CSTL1: variants seen among roughly 807,000 people sequenced by gnomAD.
The protein encoded by CSTL1 is cystatin-like 1.
A neutral mutation model predicts 14.4 loss-of-function variants in CSTL1; 14 were observed. That is an observed-to-expected ratio of 0.97 (90% CI 0.64 to 1.52). CSTL1 has a LOEUF of 1.52. Among genes scored for constraint, CSTL1 ranks in the 40% most tolerant of loss-of-function variants. The pLI is 0.00. For synonymous variants in CSTL1, 72 were observed against 67.5 expected, an observed-to-expected ratio of 1.07 and a Z score of -0.33; for missense variants, 170 against 168.7, an observed-to-expected ratio of 1.01 and a Z score of -0.04.
rs1301209781 is a variant in CSTL1, at chr20:23,440,412, A to G, written c.145A>G (p.Ile49Val). 1 of 1,614,182 alleles carries G rather than the reference A, an allele frequency of 6.2e-7. No individual in the cohort carries two copies. ...KNMNSTLNFFIQSYNNASNDT... is the reference protein window; with the variant it reads ...KNMNSTLNFFVQSYNNASNDT... The stretch of plus-strand genomic sequence containing the variant: ...CATGAATTCAACACTCAACTTCTTC[A>G]TTCAATCCTACAACAATGCCAGCAA... The change falls in exon 2 of 4, where the codon ATT (isoleucine) becomes GTT (valine). Residue 49 changes from isoleucine (I) to valine (V), a missense_variant. Transcript: ENST00000347397.
chr20:23,454,361 A>G, the CSTL1 span, among the ~76,000 whole-genome samples: 3 of 151,144 alleles, frequency 2.0e-5, no homozygotes, highest in African/African-American at 4.9e-5. Context: ...ACATGTACAC[A>G]CCCACACTCA....
the CSTL1 span, among the ~76,000 whole-genome samples, chr20:23,458,244 C>T: frequency 6.6e-6 from 1 of 152,174 alleles, no homozygotes; most frequent in Admixed American, 6.5e-5. Context: ...ACTCAGACTG[C>T]AGTTTGTATA....
chr20:23,452,610 A>G, the CSTL1 span: 1 of 1,613,440 alleles, frequency 6.2e-7, no homozygotes. Flanking sequence ...AGGACTCGGA[A>G]GATCCTGAAG....
chr20:23,449,824 C>CG (rs751248507), downstream of CSTL1, among the ~76,000 whole-genome samples: 55 of 152,212 alleles, frequency 3.6e-4, no homozygotes, highest in Non-Finnish European at 6.8e-4. Context: ...GCCTCCTTCA[C>CG]GGGGGGCACA....
At chr20:23,460,673 C>T in the CSTL1 span, among the ~76,000 whole-genome samples, 26 of 151,964 alleles carry the variant, frequency 1.7e-4, no homozygotes, top group Non-Finnish European at 3.7e-4. Context: ...TTGAGAAGCC[C>T]GCAGTTTTCA....
the CSTL1 span, among the ~76,000 whole-genome samples, chr20:23,454,643 T>C: frequency 6.6e-6 from 1 of 152,168 alleles, no homozygotes; most frequent in African/African-American, 2.4e-5. Context: ...CAGGACGGCC[T>C]CAATTTGTCT....
chr20:23,450,192 A>G, the CSTL1 span, among the ~76,000 whole-genome samples: 1 of 152,252 alleles, frequency 6.6e-6, no homozygotes, highest in East Asian at 1.9e-4. Flanking sequence ...TCTCCATACT[A>G]TTTTAAAATC....
intron 2 of CSTL1, chr20:23,442,499 A>G (rs944047182): frequency 1.3e-5 from 2 of 152,264 alleles, no homozygotes. Flanking sequence ...TAAGTCTAAT[A>G]ACGAATAACA....
At chr20:23,453,928 C>T in the CSTL1 span, among the ~76,000 whole-genome samples, 1 of 152,072 alleles carries the variant, frequency 6.6e-6, no homozygotes, top group South Asian at 2.1e-4. Flanking sequence ...CAGTCACACT[C>T]ACACTGAAAC....
the CSTL1 span, among the ~76,000 whole-genome samples, chr20:23,456,184 G>T: frequency 6.6e-6 from 1 of 152,170 alleles, no homozygotes; most frequent in African/African-American, 2.4e-5. Flanking sequence ...CTGTTCCTTT[G>T]CATGGACTCA....
At chr20:23,451,902 A>C in the CSTL1 span, 1 of 1,613,576 alleles carries the variant, frequency 6.2e-7, no homozygotes, top group Non-Finnish European at 8.5e-7. Flanking sequence ...TTCAGGTGAT[A>C]CTCCAGGTGG....
At chr20:23,453,392 G>A in the CSTL1 span, among the ~76,000 whole-genome samples, 10 of 152,170 alleles carry the variant, frequency 6.6e-5, no homozygotes, top group African/African-American at 2.2e-4. Context: ...CCCCAGTACC[G>A]ACAAGTCCTA....
the CSTL1 span, among the ~76,000 whole-genome samples, chr20:23,453,856 C>G: frequency 6.6e-6 from 1 of 152,046 alleles, no homozygotes; most frequent in Non-Finnish European, 1.5e-5. Context: ...GACACACTTG[C>G]TGCATAGCCA....
chr20:23,460,793 A>G, the CSTL1 span, among the ~76,000 whole-genome samples: 6 of 152,148 alleles, frequency 3.9e-5, no homozygotes, highest in Non-Finnish European at 7.3e-5. Flanking sequence ...AGGAAATTAA[A>G]TTTTGGGGCC....
chr20:23,443,467 C>A lies in CSTL1; in HGVS notation c.220-467C>A, dbSNP rs576482743. ...TAAATGGAAAATGCATGCCCCAAAT[C>A]AATTCGATTCCAAAACTGTTTTTAA... On this transcript the variant is annotated intron_variant, in intron 2 of 3. Coordinates refer to ENST00000347397, the MANE Select transcript of CSTL1 (RefSeq NM_138283.1). Among the ~76,000 whole-genome samples the A allele has an allele frequency of 2.2e-4, 34 of 151,588 alleles. No homozygotes were observed. In the South Asian group the frequency reaches 7.2e-3, roughly 32 times the overall value.
chr20:23,444,052 G>C lies in CSTL1; in HGVS notation c.330+8G>C, dbSNP rs767108779. The C allele has an allele frequency of 1.2e-6, 2 of 1,606,450 alleles. No homozygotes were observed. Among genetic ancestry groups the C allele is most frequent in the African/African-American group, 2.7e-5 (2 of 74,632 alleles). The stretch of plus-strand genomic sequence containing the variant: ...AGCAAGAAGCTGAGAAAGGTGTGTA[G>C]TGGAAGTCATCCCAAAGGGACTTGT... On this transcript the variant is annotated splice_region_variant and intron_variant, in intron 3 of 3. Coordinates refer to ENST00000347397, the MANE Select transcript of CSTL1 (RefSeq NM_138283.1).
the CSTL1 span, chr20:23,452,920 A>G: frequency 2.6e-6 from 2 of 779,134 alleles, no homozygotes; most frequent in Non-Finnish European, 4.2e-6. Context: ...CTGGTGGTGG[A>G]CACCCACAGC....
In CSTL1 at chr20:23,444,860, G is replaced by C. The variant is rs1355419829; in HGVS notation, c.420G>C (p.Val140=). The C allele has an allele frequency of 6.2e-7, 1 of 1,612,608 alleles. No individual in the cohort carries two copies. Among genetic ancestry groups the C allele is most frequent in the African/African-American group, 1.3e-5 (1 of 74,840 alleles). Residue 140 remains valine (V), a synonymous_variant, in exon 4 of 4, where the codon GTG becomes GTC. Coordinates refer to ENST00000347397, the MANE Select transcript of CSTL1 (RefSeq NM_138283.1). ...WNNSCLEAEH[V]GRNLR ...ATTCCTGTCTGGAGGCCGAGCATGT[G>C]GGCAGAAACCTCAGATGAGGGCTCA...
At chr20:23,457,049 C>T in the CSTL1 span, among the ~76,000 whole-genome samples, 53 of 152,174 alleles carry the variant, frequency 3.5e-4, no homozygotes, top group Non-Finnish European at 6.5e-4. Flanking sequence ...GCGGACATCT[C>T]GGGTGGGGTG....
Sources: gnomAD v4.1 joint callset for allele counts (sites outside exome capture counted in the v4.1 genomes callset) on GRCh38, gnomAD v4.1.1 for gene constraint, MANE v1.5 for transcripts, NCBI Gene and HGNC (gene_info 2026-07-23, HGNC 2026-07-21) for gene names.